WDR44: variants seen among roughly 807,000 people sequenced by gnomAD.
WDR44 encodes the protein WD repeat domain 44.
A neutral mutation model predicts 65.7 loss-of-function variants in WDR44; 9 were observed. That is an observed-to-expected ratio of 0.14 (90% CI 0.08 to 0.24). The LOEUF (loss-of-function observed/expected upper bound fraction) is 0.24. Among genes scored for constraint, WDR44 ranks in the 10% least tolerant of loss-of-function variants. WDR44 has a pLI of 1.00. For missense variants in WDR44, 425 were observed against 670.9 expected, an observed-to-expected ratio of 0.63 and a Z score of 4.05; for synonymous variants, 220 against 235.2, an observed-to-expected ratio of 0.94 and a Z score of 0.59.
intron 2 of WDR44, among the ~76,000 whole-genome samples, chrX:118,379,311 T>G (rs1205272930): frequency 9.0e-6 from 1 of 111,428 alleles, no homozygotes; most frequent in Non-Finnish European, 1.9e-5. Flanking sequence ...CATGCTATAT[T>G]TTTTTCAGTT....
At chrX:118,351,707 T>G (rs934689079) in intron 1 of WDR44, among the ~76,000 whole-genome samples, 9 of 111,406 alleles carry the variant, frequency 8.1e-5, no homozygotes, top group Admixed American at 6.7e-4. Flanking sequence ...CTCAGCAGTT[T>G]GGGAGGCTGA....
At chrX:118,355,767 A>G (rs376360759) in intron 1 of WDR44, among the ~76,000 whole-genome samples, 8 of 110,997 alleles carry the variant, frequency 7.2e-5, no homozygotes, top group Non-Finnish European at 1.5e-4. Context: ...GCGCTTCACA[A>G]TTGGTTCTGA....
intron 1 of WDR44, among the ~76,000 whole-genome samples, chrX:118,350,844 G>A (rs1602846560): frequency 9.0e-6 from 1 of 111,588 alleles, no homozygotes; most frequent in African/African-American, 3.3e-5. Flanking sequence ...AGGGACTGGA[G>A]ATCATTTTAG....
chrX:118,398,224 A>G (rs1005714270), intron 7 of WDR44, among the ~76,000 whole-genome samples, 163 bp from the exon 8 acceptor site: 1 of 112,344 alleles, frequency 8.9e-6, no homozygotes. Context: ...GCGACAGAGC[A>G]AGACTCCATC....
intron 3 of WDR44, among the ~76,000 whole-genome samples, chrX:118,391,938 C>G (rs1466216115): frequency 8.9e-6 from 1 of 111,821 alleles, no homozygotes; most frequent in East Asian, 2.8e-4. Context: ...AAGATCGTGC[C>G]ACTGCACTCC....
chrX:118,422,691 C>CAA (rs771303784), intron 12 of WDR44, among the ~76,000 whole-genome samples: 1 of 71,764 alleles, frequency 1.4e-5, no homozygotes. Flanking sequence ...AACTCCGTCT[C>CAA]AAAAAAAAAA....
intron 14 of WDR44, among the ~76,000 whole-genome samples, chrX:118,438,795 A>G (rs866977457): frequency 1.6e-5 from 1 of 62,555 alleles, no homozygotes; most frequent in African/African-American, 7.4e-5. Context: ...CTGTTCAGCC[A>G]TGTTTTTTTT....
Position 118,394,504 on chromosome X carries a change from G to T in WDR44, c.957+319G>T, listed in dbSNP as rs770357158. Among the ~76,000 whole-genome samples the T allele has an allele frequency of 2.7e-5, 3 of 111,591 alleles. No individual in the cohort carries two copies. In the South Asian group the frequency reaches 1.1e-3, roughly 42 times the overall value. On this transcript the variant is annotated intron_variant, in intron 5 of 19. Transcript: ENST00000254029. Reference sequence around the variant, plus strand: ...GACAGATGCTACTATTTGTAATATTGTTGGTACTAATAAACACCAACTATA... The same window carrying T: ...GACAGATGCTACTATTTGTAATATTTTTGGTACTAATAAACACCAACTATA...
intron 1 of WDR44, among the ~76,000 whole-genome samples, 164 bp downstream of exon 1, chrX:118,346,744 G>T (rs1161013401): frequency 9.0e-6 from 1 of 110,876 alleles, no homozygotes; most frequent in Admixed American, 9.6e-5. Context: ...CTTAGGGCGG[G>T]GTGACTCGGA....
At chrX:118,379,034 A>G (rs1221376834) in intron 2 of WDR44, among the ~76,000 whole-genome samples, 1 of 105,368 alleles carries the variant, frequency 9.5e-6, no homozygotes, top group Non-Finnish European at 1.9e-5. Context: ...ACAGAGCGAG[A>G]CTCCACCTCA....
intron 1 of WDR44, among the ~76,000 whole-genome samples, chrX:118,357,863 A>C (rs761472777): frequency 9.1e-6 from 1 of 110,435 alleles, no homozygotes; most frequent in East Asian, 2.8e-4. Context: ...TGGGCAACAG[A>C]GTGAGACCCC....
chrX:118,378,564 C>A, intron 2 of WDR44, 112 bp downstream of exon 2: 1 of 719,823 alleles, frequency 1.4e-6, no homozygotes, highest in Non-Finnish European at 2.1e-6. Flanking sequence ...ACTTTTTGCT[C>A]AGTAATGTAG....
intron 12 of WDR44, among the ~76,000 whole-genome samples, chrX:118,417,858 G>T (rs1208471206): frequency 1.8e-5 from 2 of 111,762 alleles, no homozygotes; most frequent in Non-Finnish European, 3.8e-5. Flanking sequence ...CCCAGACCTC[G>T]TAGAGGCTTC....
At position 118,449,032 on chromosome X, in the gene WDR44, G is replaced by A. The variant is rs1331040493; in HGVS notation, c.*45G>A. The stretch of plus-strand genomic sequence containing the variant: ...TAAACATATCAGTAAGTTTCTATAT[G>A]TATCAAAACTGAAAAAATAGTGTTC... On this transcript the variant is annotated 3_prime_UTR_variant, in exon 20 of 20. Transcript: ENST00000254029. 1.1e-6 allele frequency: 1 copy of A among 873,490 alleles called. No individual in the cohort carries two copies. Among genetic ancestry groups the A allele is most frequent in the Admixed American group, 3.0e-5 (1 of 33,729 alleles). The allele number at this position is 873,490 out of a possible 1,213,427, so 72.0% of individuals were successfully genotyped here.
chrX:118,395,608 T>C (rs778394760), intron 6 of WDR44, among the ~76,000 whole-genome samples: 1 of 112,102 alleles, frequency 8.9e-6, no homozygotes, highest in Non-Finnish European at 1.9e-5. Flanking sequence ...TTGAAGATTG[T>C]CTTTGTTGAT....
chrX:118,354,017 CT>C (rs763388075), intron 1 of WDR44, among the ~76,000 whole-genome samples: 11,609 of 109,965 alleles, frequency 0.11, 628 homozygotes, highest in Admixed American at 0.25. Flanking sequence ...TTGTATGGGT[CT>C]TTTTTTTTAT....
intron 3 of WDR44, among the ~76,000 whole-genome samples, chrX:118,388,463 T>C (rs1011340973): frequency 1.8e-5 from 2 of 110,940 alleles, no homozygotes; most frequent in Admixed American, 9.6e-5. Flanking sequence ...GTATATTTTA[T>C]AGAGACAAGG....
At position 118,346,587 on chromosome X, in the gene WDR44, G is replaced by T; in HGVS notation, c.77+7G>T. On this transcript the variant is annotated splice_region_variant and intron_variant, in intron 1 of 19. Coordinates refer to ENST00000254029, the MANE Select transcript of WDR44 (RefSeq NM_019045.5). Reference sequence around the variant, plus strand: ...GGGGCGGCTACCCCGTGGGGTAAGTGACTGCAGCTATGACAGGAAGCCGGG... The same window carrying T: ...GGGGCGGCTACCCCGTGGGGTAAGTTACTGCAGCTATGACAGGAAGCCGGG... The T allele has an allele frequency of 8.5e-7, 1 of 1,175,054 alleles. No homozygotes were observed. The highest frequency in any genetic ancestry group is 1.9e-5 in the South Asian group (1 of 53,227).
At position 118,410,089 on chromosome X, in the gene WDR44, A is replaced by T. The variant is rs913042059; in HGVS notation, c.1672+462A>T. Among the ~76,000 whole-genome samples, 21 of 112,469 alleles carry T rather than the reference A, an allele frequency of 1.9e-4. No homozygotes were observed. The Admixed American group carries it at 1.9e-3, about 10-fold the overall frequency. On this transcript the variant is annotated intron_variant, in intron 11 of 19. Coordinates refer to ENST00000254029, the MANE Select transcript of WDR44 (RefSeq NM_019045.5). ...TCAGAACATTATGTACACACTGATT[A>T]CAACTATGTACAGATATTTATGTAT...
Sources: allele counts gnomAD v4.1 joint callset (sites outside exome capture counted in the v4.1 genomes callset), GRCh38; gene constraint gnomAD v4.1.1; transcripts MANE v1.5; gene names NCBI Gene and HGNC (gene_info 2026-07-23, HGNC 2026-07-21).